NKIRAS2: variants seen among roughly 807,000 people sequenced by gnomAD.
The protein encoded by NKIRAS2 is NFKB inhibitor interacting Ras like 2.
NKIRAS2 carries 15 observed loss-of-function variants against 20.7 expected under a neutral mutation model. The ratio of observed to expected loss-of-function variants is 0.73; its 90% CI spans 0.49 to 1.12. The LOEUF is 1.12. Ranked by LOEUF, NKIRAS2 falls within the 50% of genes most tolerant of loss-of-function variation. The probability of loss-of-function intolerance (pLI) is 0.00; values close to 1 mark genes in which losing one functional copy is unlikely to be tolerated. For missense variants in NKIRAS2, 196 were observed against 249.6 expected, an observed-to-expected ratio of 0.79 and a Z score of 1.45; for synonymous variants, 116 against 101.4, an observed-to-expected ratio of 1.14 and a Z score of -0.87.
At chr17:42,021,100 A>G (rs2052436083) in intron 1 of NKIRAS2, 1 of 163,010 alleles carries the variant, frequency 6.1e-6, no homozygotes, top group Admixed American at 5.7e-5. Context: ...GCCACACAAA[A>G]CACTGTTCCT....
At chr17:42,019,055 A>G (rs546957590), upstream of NKIRAS2, among the ~76,000 whole-genome samples, 5 of 152,304 alleles carry the variant, frequency 3.3e-5, no homozygotes, top group African/African-American at 1.2e-4. Context: ...CTCCTACCAA[A>G]TATTTCCCAA....
chr17:42,021,737 C>G (rs1462480465), intron 2 of NKIRAS2, 66 bp downstream of exon 2: 1 of 1,406,034 alleles, frequency 7.1e-7, no homozygotes. Context: ...GACTTGATCA[C>G]AACACACACA....
At chr17:42,017,798 G>A (rs782052732), upstream of NKIRAS2, 4 of 319,264 alleles carry the variant, frequency 1.3e-5, no homozygotes, top group Non-Finnish European at 2.4e-5. Context: ...GTGGGGACCA[G>A]GTGACCCAAG....
At chr17:42,022,747 A>T (rs2052487584) in intron 3 of NKIRAS2, 107 bp downstream of exon 3, 2 of 1,383,838 alleles carry the variant, frequency 1.4e-6, no homozygotes, top group South Asian at 1.4e-5. Flanking sequence ...AAGGTGAGTT[A>T]GGAGCCAGAG....
rs1241121042 is a variant in NKIRAS2, at chr17:42,020,129, C to G, written c.-90C>G. 6.6e-6 allele frequency: 1 copy of G among 152,424 alleles called. No homozygotes were observed. The highest frequency in any genetic ancestry group is 2.4e-5 in the African/African-American group (1 of 41,476). The allele number at this position is 152,424 out of a possible 1,614,324, so 9.4% of individuals were successfully genotyped here. A position where few individuals can be genotyped will look rare whatever the true frequency, so the allele number is the denominator to read the frequency against. On this transcript the variant is annotated 5_prime_UTR_variant, in exon 1 of 4. Coordinates refer to ENST00000393885, the MANE Select transcript of NKIRAS2 (RefSeq NM_017595.6). ...ACCGACTCTGGAGGAAGACTGGAGCCTTTGCGGCGGCGCTGCCCCTCCCCT... is the reference window on the plus strand; with the variant it reads ...ACCGACTCTGGAGGAAGACTGGAGCGTTTGCGGCGGCGCTGCCCCTCCCCT...
At chr17:42,022,763 G>T (rs911673448) in intron 3 of NKIRAS2, 123 bp downstream of exon 3, 2 of 1,229,264 alleles carry the variant, frequency 1.6e-6, no homozygotes, top group East Asian at 4.7e-5. Flanking sequence ...CAGAGGTGGG[G>T]TGGAGGCCAC....
rs2052526098 is a variant in NKIRAS2, at chr17:42,024,250, G to GAA, written c.*357_*358insAA. 3.4e-6 allele frequency: 1 copy of GAA among 295,968 alleles called. No homozygotes were observed. Among genetic ancestry groups the GAA allele is most frequent in the Non-Finnish European group, 6.5e-6 (1 of 153,320 alleles). 18.3% of individuals were successfully genotyped at this position (295,968 alleles called of 1,614,324 possible). A position where few individuals can be genotyped will look rare whatever the true frequency, so the allele number is the denominator to read the frequency against. The stretch of plus-strand genomic sequence containing the variant: ...GGTCTGAGTTCCTATTATAGGTAGG[G>GAA]GCCCCACCCTCTGGGCTTCCCATCA... On this transcript the variant is annotated 3_prime_UTR_variant, in exon 4 of 4. Transcript: ENST00000393885.
At position 42,024,853 on chromosome 17, in the gene NKIRAS2, T is replaced by G. The variant is rs2052539542; in HGVS notation, c.*960T>G. On this transcript the variant is annotated 3_prime_UTR_variant, in exon 4 of 4. Coordinates refer to ENST00000393885, the MANE Select transcript of NKIRAS2 (RefSeq NM_017595.6). ...TGCTCAGGGAGCAGATGGGCCTCACTGGTTGAGATGGAATAGAATAACTGG... is the reference window on the plus strand; with the variant it reads ...TGCTCAGGGAGCAGATGGGCCTCACGGGTTGAGATGGAATAGAATAACTGG... 6.6e-6 allele frequency: 1 copy of G among 152,122 alleles called. No individual in the cohort carries two copies. The highest frequency in any genetic ancestry group is 1.5e-5 in the Non-Finnish European group (1 of 68,058). 9.4% of individuals were successfully genotyped at this position (152,122 alleles called of 1,614,324 possible). A position where few individuals can be genotyped will look rare whatever the true frequency, so the allele number is the denominator to read the frequency against.
rs574106429 is a variant in NKIRAS2 at position 42,020,098 on chromosome 17, G to C, written c.-121G>C. 1 of 152,248 alleles carries C rather than the reference G, an allele frequency of 6.6e-6. No homozygotes were observed. Among genetic ancestry groups the C allele is most frequent in the Non-Finnish European group, 1.5e-5 (1 of 68,110 alleles). 9.4% of individuals were successfully genotyped at this position (152,248 alleles called of 1,614,324 possible). ...GGCGGCGGGGGCGGGGCCTGGAGGA[G>C]CCTACACCGACTCTGGAGGAAGACT... On this transcript the variant is annotated 5_prime_UTR_variant, in exon 1 of 4. Transcript: ENST00000393885.
In NKIRAS2 at chr17:42,024,025, C is replaced by T; in HGVS notation, c.*132C>T. ...AGGGAGCTCCCCGCCAGGCCACGCCCCAGCCACTTTGCTCCCTCTCACCTC... is the reference window on the plus strand; with the variant it reads ...AGGGAGCTCCCCGCCAGGCCACGCCTCAGCCACTTTGCTCCCTCTCACCTC... On this transcript the variant is annotated 3_prime_UTR_variant, in exon 4 of 4. Coordinates refer to ENST00000393885, the MANE Select transcript of NKIRAS2 (RefSeq NM_017595.6). 1 of 1,408,470 alleles carries T rather than the reference C, an allele frequency of 7.1e-7. No individual in the cohort carries two copies. Among genetic ancestry groups the T allele is most frequent in the Admixed American group, 2.5e-5 (1 of 39,254 alleles). The allele number at this position is 1,408,470 out of a possible 1,614,324, so 87.2% of individuals were successfully genotyped here.
chr17:42,020,415 A>C (rs1381500039), intron 1 of NKIRAS2: 2 of 150,478 alleles, frequency 1.3e-5, no homozygotes, highest in African/African-American at 4.9e-5. Context: ...CTTCCCCTGG[A>C]GAGGTTTCTG....
Position 42,022,617 on chromosome 17 carries a change from G to T in NKIRAS2, c.313G>T (p.Asp105Tyr). Residue 105 changes from aspartate to tyrosine, a missense_variant, in exon 3 of 4, where the codon GAC becomes TAC. Coordinates refer to ENST00000393885, the MANE Select transcript of NKIRAS2 (RefSeq NM_017595.6). ...QRVELLKKEI[D>Y]KSKDKKEVTI... ...TGTGGAGCTGCTCAAGAAGGAGATTGACAAATCCAAGGACAAGAAGGAGGT... is the reference window on the plus strand; with the variant it reads ...TGTGGAGCTGCTCAAGAAGGAGATTTACAAATCCAAGGACAAGAAGGAGGT... 1 of 1,613,578 alleles carries T rather than the reference G, an allele frequency of 6.2e-7. No individual in the cohort carries two copies. Among genetic ancestry groups the T allele is most frequent in the South Asian group, 1.1e-5 (1 of 91,016 alleles).
Position 42,023,705 on chromosome 17 carries a change from G to A in NKIRAS2, c.388G>A (p.Val130Ile). 6.2e-7 allele frequency: 1 copy of A among 1,614,210 alleles called. No individual in the cohort carries two copies. The highest frequency in any genetic ancestry group is 1.3e-5 in the African/African-American group (1 of 75,038). The change falls in exon 4 of 4, where the codon GTA becomes ATA. Residue 130 changes from valine (V) to isoleucine (I), a missense_variant. Coordinates refer to ENST00000393885, the MANE Select transcript of NKIRAS2 (RefSeq NM_017595.6). Reference protein sequence around the residue: ...NKCDLQEQRRVDPDVAQHWAK... With the variant: ...NKCDLQEQRRIDPDVAQHWAK... Reference sequence around the variant, plus strand: ...GTGTGACTTACAGGAGCAGCGGCGTGTAGACCCAGATGTGGCTCAGCACTG... The same window carrying A: ...GTGTGACTTACAGGAGCAGCGGCGTATAGACCCAGATGTGGCTCAGCACTG...
At chr17:42,023,040 C>T (rs1555653413) in intron 3 of NKIRAS2, 1 of 308,502 alleles carries the variant, frequency 3.2e-6, no homozygotes, top group Non-Finnish European at 6.6e-6. Flanking sequence ...TCTCACTCTG[C>T]CACCCAGGCT....
upstream of NKIRAS2, among the ~76,000 whole-genome samples, chr17:42,019,289 A>G (rs1353074821): frequency 6.6e-6 from 1 of 152,120 alleles, no homozygotes; most frequent in Admixed American, 6.6e-5. Flanking sequence ...GGCAACAACA[A>G]CAACAACAAA....
At chr17:42,020,293 C>T (rs932179600) in intron 1 of NKIRAS2, 89 bp downstream of exon 1, 1 of 152,428 alleles carries the variant, frequency 6.6e-6, no homozygotes, top group Admixed American at 6.5e-5. Flanking sequence ...GCCTCTCATT[C>T]CCTCTGGGGG....
At chr17:42,022,893 G>T in intron 3 of NKIRAS2, 1 of 433,696 alleles carries the variant, frequency 2.3e-6, no homozygotes. Context: ...TTGTTGAAGG[G>T]GTCACTGACC....
At chr17:42,019,793 A>T (rs1308158878), upstream of NKIRAS2, among the ~76,000 whole-genome samples, 1 of 152,252 alleles carries the variant, frequency 6.6e-6, no homozygotes, top group Non-Finnish European at 1.5e-5. Flanking sequence ...TGCACCAGGC[A>T]CAGACAGATG....
chr17:42,022,714 G>A, intron 3 of NKIRAS2, 74 bp downstream of exon 3: 1 of 1,535,010 alleles, frequency 6.5e-7, no homozygotes, highest in South Asian at 1.2e-5. Context: ...TGGGAAGCCT[G>A]GCATGGCTCC....
Sources: gnomAD v4.1 joint callset for allele counts (sites outside exome capture counted in the v4.1 genomes callset) on GRCh38, gnomAD v4.1.1 for gene constraint, MANE v1.5 for transcripts, NCBI Gene and HGNC (gene_info 2026-07-23, HGNC 2026-07-21) for gene names.